IDUA: variants seen among roughly 807,000 people sequenced by gnomAD.
The protein encoded by IDUA is alpha-L-iduronidase.
Under a neutral mutation model 68.9 loss-of-function variants are expected in IDUA, and 65 were observed. That is an observed-to-expected ratio of 0.94 (90% confidence interval 0.77 to 1.16). The LOEUF is 1.16. IDUA is among the 50% of genes most tolerant of loss of function. IDUA has a pLI of 0.00. For missense variants in IDUA, 1,046 were observed against 938.0 expected, an observed-to-expected ratio of 1.12 and a Z score of -1.50; for synonymous variants, 529 against 433.6, an observed-to-expected ratio of 1.22 and a Z score of -2.73.
chr4:998,225 G>A (rs1714860489), intron 2 of IDUA, among the ~76,000 whole-genome samples: 1 of 152,200 alleles, frequency 6.6e-6, no homozygotes. Flanking sequence ...GACCAGCAGA[G>A]GCGGGGCGGA....
Position 1,002,772 on chromosome 4 carries a change from C to G in IDUA, c.1230C>G (p.Thr410=), listed in dbSNP as rs115790973. 0.16 allele frequency: 238,250 copies of G among 1,473,224 alleles called. 20,800 individuals carry two copies. The highest frequency in any genetic ancestry group is 0.3 in the South Asian group (23,084 of 77,308). The allele number at this position is 1,473,224 out of a possible 1,614,324, so 91.3% of individuals were successfully genotyped here. Reference sequence around the variant, plus strand: ...GGGCCGAAGTGTCGCAGGCCGGGACCGTCCTGGACAGCAACCACACGGTGG... The same window carrying G: ...GGGCCGAAGTGTCGCAGGCCGGGACGGTCCTGGACAGCAACCACACGGTGG... ...QLWAEVSQAG[T]VLDSNHTVGV... The change falls in exon 9 of 14, where the codon ACC becomes ACG. Residue 410 remains threonine (T), a synonymous_variant. Transcript: ENST00000514224.
At chr4:988,276 T>C (rs1713906266) in intron 2 of IDUA, 8 of 1,191,192 alleles carry the variant, frequency 6.7e-6, no homozygotes, top group Non-Finnish European at 8.4e-6. Context: ...AGGGCTGAGC[T>C]GAGGTCTCAT....
At chr4:998,367 G>A (rs1321504639) in intron 2 of IDUA, among the ~76,000 whole-genome samples, 1 of 152,192 alleles carries the variant, frequency 6.6e-6, no homozygotes, top group African/African-American at 2.4e-5. Flanking sequence ...GCTGTGGCAT[G>A]GGGAGACTGA....
chr4:997,239 C>G (rs1306045907), intron 2 of IDUA, among the ~76,000 whole-genome samples: 1 of 152,068 alleles, frequency 6.6e-6, no homozygotes, highest in Non-Finnish European at 1.5e-5. Flanking sequence ...CCTGTGTCCC[C>G]TTCGTCCCGG....
At chr4:1,002,519 G>A (rs1213692873) in intron 8 of IDUA, 34 bp downstream of exon 8, 6 of 1,459,186 alleles carry the variant, frequency 4.1e-6, no homozygotes, top group East Asian at 2.7e-5. Flanking sequence ...GCCGGCCAGG[G>A]CCCTCCAGGC....
intron 5 of IDUA, 54 bp from the exon 6 acceptor site, chr4:1,001,625 G>C: frequency 1.2e-6 from 2 of 1,608,768 alleles, no homozygotes; most frequent in Non-Finnish European, 1.7e-6. Context: ...CAGGAGCAGA[G>C]GCTAAGCCGC....
rs1383531589 is a variant in IDUA, at chr4:1,002,258, G to T, written c.973-11G>T. The T allele has an allele frequency of 1.9e-6, 3 of 1,607,034 alleles. No individual in the cohort carries two copies. The highest frequency in any genetic ancestry group is 2.5e-6 in the Non-Finnish European group (3 of 1,177,158). On this transcript the variant is annotated splice_polypyrimidine_tract_variant and intron_variant, in intron 7 of 13. Coordinates refer to ENST00000514224, the MANE Select transcript of IDUA (RefSeq NM_000203.5). Reference sequence around the variant, plus strand: ...GCGCCACCCGGTCCCAGCTGCCCTGGACACCCGCAGGTCATCGCGCAGCAT... The same window carrying T: ...GCGCCACCCGGTCCCAGCTGCCCTGTACACCCGCAGGTCATCGCGCAGCAT...
intron 2 of IDUA, chr4:992,168 C>T (rs1363846828): frequency 4.3e-6 from 2 of 465,430 alleles, no homozygotes; most frequent in Admixed American, 2.3e-5. Flanking sequence ...GTCACAGTCA[C>T]TGGACACAGG....
intron 2 of IDUA, chr4:990,858 C>T (rs1714234661): frequency 2.1e-6 from 1 of 485,782 alleles, no homozygotes; most frequent in African/African-American, 2.0e-5. Context: ...CACTGAGCCA[C>T]AGCCACACCT....
Position 989,707 on chromosome 4 carries a change from C to T in IDUA, c.299+1758C>T, listed in dbSNP as rs758753898. The T allele has an allele frequency of 4.2e-5, 65 of 1,559,206 alleles. No individual in the cohort carries two copies. The highest frequency in any genetic ancestry group is 1.4e-4 in the South Asian group (12 of 84,840). ...GCTGACCACGCTGGACAGCTGTGTC[C>T]GGCAGCCAGTGGCTGTCTTCACCAG... On this transcript the variant is annotated intron_variant, in intron 2 of 13. Coordinates refer to ENST00000514224, the MANE Select transcript of IDUA (RefSeq NM_000203.5).
rs1436766935 is a variant in IDUA at position 1,004,044 on chromosome 4, A to G, written c.1760A>G (p.Gln587Arg). The G allele has an allele frequency of 6.2e-7, 1 of 1,611,146 alleles. No homozygotes were observed. The highest frequency in any genetic ancestry group is 8.5e-7 in the Non-Finnish European group (1 of 1,179,496). The change falls in exon 13 of 14, where the codon CAG becomes CGG. Residue 587 changes from glutamine to arginine, a missense_variant. Coordinates refer to ENST00000514224, the MANE Select transcript of IDUA (RefSeq NM_000203.5). The surrounding 1 kb of genome is among the most constrained non-coding windows in gnomAD (Gnocchi z 5.0). ...TGGACATACGAGATCCAGTTCTCTC[A>G]GGACGGTAAGGCGTACACCCCGGTC... Reference protein sequence around the residue: ...CLWTYEIQFSQDGKAYTPVSR... With the variant: ...CLWTYEIQFSRDGKAYTPVSR...
chr4:1,001,817 A>G lies in IDUA; in HGVS notation c.728A>G (p.Asp243Gly), dbSNP rs1446761809. The G allele has an allele frequency of 1.1e-5, 17 of 1,605,614 alleles. No homozygotes were observed. The highest frequency in any genetic ancestry group is 1.4e-5 in the Non-Finnish European group (16 of 1,177,656). Reference protein sequence around the residue: ...LSWGLLRHCHDGTNFFTGEAG... With the variant: ...LSWGLLRHCHGGTNFFTGEAG... The stretch of plus-strand genomic sequence containing the variant: ...TGGGGCCTCCTGCGCCACTGCCACG[A>G]CGGTACCAACTTCTTCACTGGGGAG... Residue 243 changes from aspartate (D) to glycine (G), a missense_variant, in exon 6 of 14, where the codon GAC (aspartate) becomes GGC (glycine). Transcript: ENST00000514224.
At chr4:993,535 C>T (rs796351362) in intron 2 of IDUA, 18 of 152,346 alleles carry the variant, frequency 1.2e-4, no homozygotes, top group African/African-American at 4.1e-4. Flanking sequence ...GGGAGTTGAA[C>T]TGTAATCAGG....
At chr4:1,001,427 A>T in intron 4 of IDUA, 41 bp from the exon 5 acceptor site, 1 of 1,552,410 alleles carries the variant, frequency 6.4e-7, no homozygotes, top group South Asian at 1.1e-5. Context: ...CACTGAGGCG[A>T]GATTCACCTG....
Position 1,003,739 on chromosome 4 carries a change from C to T in IDUA, c.1727+114C>T, listed in dbSNP as rs1027809707. 4 of 1,185,824 alleles carry T rather than the reference C, an allele frequency of 3.4e-6. No homozygotes were observed. The South Asian group carries it at 5.1e-5, about 15-fold the overall frequency. 73.5% of individuals were successfully genotyped at this position (1,185,824 alleles called of 1,614,324 possible). On this transcript the variant is annotated intron_variant, in intron 12 of 13. Coordinates refer to ENST00000514224, the MANE Select transcript of IDUA (RefSeq NM_000203.5). ...CTTGCCGTGGCCCATCGGCTCCCTC[C>T]CTCGCCGCCCTGCGTCCCTGCCCTT...
In IDUA at chr4:1,002,136, T is replaced by G. The variant is rs1715124887; in HGVS notation, c.947T>G (p.Val316Gly). Residue 316 changes from valine (V) to glycine (G), a missense_variant, in exon 7 of 14, where the codon GTG (valine) becomes GGG (glycine). By Grantham distance (109) the Val-to-Gly change is moderately radical. Transcript: ENST00000514224. ...WSLPQPWRAD[V>G]TYAAMVVKVI... ...CTGCCACAGCCGTGGAGGGCGGACG[T>G]GACCTACGCGGCCATGGTGGTGAAG... 2.6e-6 allele frequency: 4 copies of G among 1,561,538 alleles called. No individual in the cohort carries two copies. Among genetic ancestry groups the G allele is most frequent in the Non-Finnish European group, 3.5e-6 (4 of 1,153,328 alleles).
rs371320635 is a variant in IDUA, at chr4:990,258, C to T, written c.299+2309C>T. 44 of 1,591,266 alleles carry T rather than the reference C, an allele frequency of 2.8e-5. No homozygotes were observed. The South Asian group carries it at 3.4e-4, about 12-fold the overall frequency. On this transcript the variant is annotated intron_variant, in intron 2 of 13. Coordinates refer to ENST00000514224, the MANE Select transcript of IDUA (RefSeq NM_000203.5). ...TCCGCACGCCCAGCAGGTGTTTGAG[C>T]TGCGAGGTCAGGATGGTCACGGAGG... is the stretch of plus-strand genomic sequence containing the variant.
chr4:988,896 G>T, intron 2 of IDUA: 1 of 1,604,256 alleles, frequency 6.2e-7, no homozygotes, highest in Admixed American at 1.7e-5. Context: ...GCACGGCATC[G>T]TGCACACTGA....
At chr4:995,960 G>A (rs185658471) in intron 2 of IDUA, among the ~76,000 whole-genome samples, 15 of 152,168 alleles carry the variant, frequency 9.9e-5, no homozygotes, top group Admixed American at 2.6e-4. Flanking sequence ...TGTGAGATGC[G>A]GGCAGGGCTG....
Sources: gnomAD v4.1 joint callset for allele counts (sites outside exome capture counted in the v4.1 genomes callset) on GRCh38, gnomAD v4.1.1 for gene constraint, Gnocchi (gnomAD v3.1) non-coding constraint, MANE v1.5 for transcripts, NCBI Gene and HGNC (gene_info 2026-07-23, HGNC 2026-07-21) for gene names.